LAPTM5: variants seen among roughly 807,000 people sequenced by gnomAD.
LAPTM5 encodes the protein lysosomal-associated transmembrane protein 5.
LAPTM5 carries 11 observed loss-of-function variants against 30.1 expected under a neutral mutation model. The observed-to-expected ratio is 0.37, with a 90% CI of 0.23 to 0.60. The LOEUF (loss-of-function observed/expected upper bound fraction) is 0.60. LAPTM5 is among the 20% of genes least tolerant of loss of function. The pLI, the probability that LAPTM5 is intolerant of heterozygous loss-of-function variation, is 0.71. For synonymous variants in LAPTM5, 151 were observed against 137.9 expected (o/e 1.10, Z -0.67); for missense variants, 324 against 332.5 (o/e 0.97, Z 0.20).
Position 30,733,648 on chromosome 1 carries a change from C to T in LAPTM5, c.*180G>A. ...AGTGACTCAGCCTAAAGCGTTGACC[C>T]AGTTGTGAGCAGCTCACAGGCCCTG... On this transcript the variant is annotated 3_prime_UTR_variant, in exon 8 of 8. Coordinates refer to ENST00000294507, the MANE Select transcript of LAPTM5 (RefSeq NM_006762.3). The T allele has an allele frequency of 6.5e-7, 1 of 1,533,650 alleles. No individual in the cohort carries two copies. The highest frequency in any genetic ancestry group is 8.7e-7 in the Non-Finnish European group (1 of 1,146,070).
intron 6 of LAPTM5, among the ~76,000 whole-genome samples, chr1:30,737,019 G>T (rs1009166282): frequency 8.5e-5 from 13 of 152,190 alleles, no homozygotes; most frequent in Admixed American, 5.9e-4. Flanking sequence ...AGATGGCAGC[G>T]TTTTCTTGTC....
Position 30,742,865 on chromosome 1 carries a change from T to C in LAPTM5, c.88-316A>G, listed in dbSNP as rs138128274. ...TTAGGAGGCTACTGTGAGGAGTAAA[T>C]GAGACTATCCCAGGAGAGCCCTTAG... On this transcript the variant is annotated intron_variant, in intron 1 of 7. Coordinates refer to ENST00000294507, the MANE Select transcript of LAPTM5 (RefSeq NM_006762.3). Among the ~76,000 whole-genome samples the C allele has an allele frequency of 5.8e-4, 88 of 152,234 alleles. 1 individual carries two copies. In the Middle Eastern group the frequency reaches 0.01, roughly 18 times the overall value.
At position 30,757,689 on chromosome 1, in the gene LAPTM5, G is replaced by C; in HGVS notation, c.57C>G (p.Ile19Met). 6.2e-7 allele frequency: 1 copy of C among 1,613,848 alleles called. No individual in the cohort carries two copies. The highest frequency in any genetic ancestry group is 8.5e-7 in the Non-Finnish European group (1 of 1,180,032). ...RQTCCCFNVR[I>M]ATTALAIYHV... Reference sequence around the variant, plus strand: ...GGTAGATGGCCAGGGCGGTGGTTGCGATGCGGACATTGAAGCAGCAGCAGG... The same window carrying C: ...GGTAGATGGCCAGGGCGGTGGTTGCCATGCGGACATTGAAGCAGCAGCAGG... The change falls in exon 1 of 8, where the codon ATC becomes ATG. Residue 19 changes from isoleucine (I) to methionine (M), a missense_variant. Physicochemically the swap from Ile to Met is conservative, Grantham distance 10. Transcript: ENST00000294507.
intron 6 of LAPTM5, among the ~76,000 whole-genome samples, chr1:30,735,690 C>T (rs1409151713): frequency 6.6e-6 from 1 of 152,182 alleles, no homozygotes; most frequent in African/African-American, 2.4e-5. Flanking sequence ...ACAGCATGTG[C>T]AGTATTGGTC....
At chr1:30,741,745 T>C (rs770248460) in intron 2 of LAPTM5, 29 bp from the exon 3 acceptor site, 1 of 1,563,360 alleles carries the variant, frequency 6.4e-7, no homozygotes, top group South Asian at 1.2e-5. Context: ...AGGGAGGTGC[T>C]CAGGGGTGCC....
chr1:30,757,303 A>G (rs1490651875), intron 1 of LAPTM5, among the ~76,000 whole-genome samples: 1 of 152,174 alleles, frequency 6.6e-6, no homozygotes, highest in Admixed American at 6.5e-5. Context: ...CTTCCAAAGC[A>G]CTTTCACATC....
At chr1:30,742,622 G>A in intron 1 of LAPTM5, 73 bp from the exon 2 acceptor site, 1 of 1,245,116 alleles carries the variant, frequency 8.0e-7, no homozygotes, top group Admixed American at 1.9e-5. Flanking sequence ...CCACCTTAGT[G>A]GTGTACAGCA....
chr1:30,734,015 G>A, intron 7 of LAPTM5, 98 bp from the exon 8 acceptor site: 1 of 1,286,602 alleles, frequency 7.8e-7, no homozygotes, highest in South Asian at 1.3e-5. Flanking sequence ...CTGGCAAAAT[G>A]ATGATGATAA....
chr1:30,741,187 T>C (rs2124183242), intron 3 of LAPTM5, among the ~76,000 whole-genome samples: 1 of 152,260 alleles, frequency 6.6e-6, no homozygotes, highest in South Asian at 2.1e-4. Context: ...CCCCTCAGGG[T>C]GCTGGCTCCT....
At chr1:30,749,895 G>A (rs1640106899) in intron 1 of LAPTM5, among the ~76,000 whole-genome samples, 1 of 152,154 alleles carries the variant, frequency 6.6e-6, no homozygotes, top group Admixed American at 6.5e-5. Flanking sequence ...TTGGCTGGGG[G>A]AACACACGGA....
intron 2 of LAPTM5, 184 bp from the exon 3 acceptor site, chr1:30,741,900 T>G: frequency 2.1e-6 from 1 of 485,968 alleles, no homozygotes. Context: ...ACATCACACA[T>G]AGCACAGGAG....
chr1:30,748,611 C>G (rs545870306), intron 1 of LAPTM5, among the ~76,000 whole-genome samples: 1 of 152,166 alleles, frequency 6.6e-6, no homozygotes, highest in Admixed American at 6.5e-5. Context: ...TGGGGGCCAG[C>G]CCCCCAAGAG....
chr1:30,748,011 C>G (rs1178762257), intron 1 of LAPTM5, among the ~76,000 whole-genome samples: 1 of 152,002 alleles, frequency 6.6e-6, no homozygotes, highest in Non-Finnish European at 1.5e-5. Context: ...ACAAGAACCC[C>G]CGATTCTGGG....
intron 2 of LAPTM5, 59 bp downstream of exon 2, chr1:30,742,397 G>A (rs1406322004): frequency 1.6e-6 from 2 of 1,252,838 alleles, no homozygotes; most frequent in Non-Finnish European, 2.3e-6. Flanking sequence ...GGCTATCCCT[G>A]GCCAGGGCCC....
chr1:30,734,124 T>C (rs1207189135), intron 7 of LAPTM5, among the ~76,000 whole-genome samples: 1 of 152,226 alleles, frequency 6.6e-6, no homozygotes. Context: ...CCTTTGCCTA[T>C]TCAGCATCAA....
rs749676076 is a variant in LAPTM5, at chr1:30,748,783, C to T, written c.88-6234G>A. Among the ~76,000 whole-genome samples the T allele has an allele frequency of 3.9e-5, 6 of 152,242 alleles. No homozygotes were observed. In the South Asian group the frequency reaches 6.2e-4, roughly 16 times the overall value. On this transcript the variant is annotated intron_variant, in intron 1 of 7. Transcript: ENST00000294507. ...TTCCGCAGTTCTCGTCCTCACCCGCCGCCTCCACCTCATCCCCTCCTCCCT... is the reference window on the plus strand; with the variant it reads ...TTCCGCAGTTCTCGTCCTCACCCGCTGCCTCCACCTCATCCCCTCCTCCCT...
intron 1 of LAPTM5, among the ~76,000 whole-genome samples, chr1:30,748,170 G>A (rs1640074858): frequency 1.3e-5 from 2 of 152,078 alleles, no homozygotes; most frequent in South Asian, 2.1e-4. Flanking sequence ...GGACCCAGCC[G>A]TCAGTGAGCA....
Position 30,733,682 on chromosome 1 carries a change from G to A in LAPTM5, c.*146C>T. ...GCAGCTCACAGGCCCTGCAGGAGGAGCAGGCCAGCGAGGGAGACACAAGCA... is the reference window on the plus strand; with the variant it reads ...GCAGCTCACAGGCCCTGCAGGAGGAACAGGCCAGCGAGGGAGACACAAGCA... On this transcript the variant is annotated 3_prime_UTR_variant, in exon 8 of 8. Transcript: ENST00000294507. 6.5e-7 allele frequency: 1 copy of A among 1,534,230 alleles called. No homozygotes were observed. The highest frequency in any genetic ancestry group is 8.7e-7 in the Non-Finnish European group (1 of 1,146,262).
chr1:30,733,740 A>G lies in LAPTM5; in HGVS notation c.*88T>C. 1 of 1,536,262 alleles carries G rather than the reference A, an allele frequency of 6.5e-7. No individual in the cohort carries two copies. Among genetic ancestry groups the G allele is most frequent in the Non-Finnish European group, 8.7e-7 (1 of 1,145,916 alleles). The stretch of plus-strand genomic sequence containing the variant: ...CTGCCAGGGAGGGGCGGGAGGGCCC[A>G]CCCAGGCCACAGGGGCCACCAAAGC... On this transcript the variant is annotated 3_prime_UTR_variant, in exon 8 of 8. Coordinates refer to ENST00000294507, the MANE Select transcript of LAPTM5 (RefSeq NM_006762.3).
Sources: allele counts gnomAD v4.1 joint callset (sites outside exome capture counted in the v4.1 genomes callset), GRCh38; gene constraint gnomAD v4.1.1; transcripts MANE v1.5; gene names NCBI Gene and HGNC (gene_info 2026-07-23, HGNC 2026-07-21).